The following HOPX variants were observed in gnomAD, a reference collection of about 807,000 sequenced individuals.
HOPX encodes homeodomain-only protein.
A neutral mutation model predicts 11.8 loss-of-function variants in HOPX; 5 were observed. The ratio of observed to expected loss-of-function variants is 0.43; its 90% CI spans 0.22 to 0.89. The LOEUF (loss-of-function observed/expected upper bound fraction) is 0.89, where lower values mean the gene tolerates loss of function less well. Among genes scored for constraint, HOPX ranks in the 40% least tolerant of loss-of-function variants. HOPX has a pLI of 0.28. For missense variants in HOPX, 119 were observed against 120.0 expected (o/e 0.99, Z 0.04); for synonymous variants, 49 against 49.7 (o/e 0.99, Z 0.06).
chr4:56,665,398 T>C (rs1298780765), intron 1 of HOPX: 2 of 152,256 alleles, frequency 1.3e-5, no homozygotes, highest in Non-Finnish European at 2.9e-5. Context: ...TATGTGCTCA[T>C]TGGATGGCTG....
intron 1 of HOPX, among the ~76,000 whole-genome samples, chr4:56,671,772 A>G (rs769361216): frequency 2.0e-5 from 3 of 152,126 alleles, no homozygotes; most frequent in Non-Finnish European, 4.4e-5. Flanking sequence ...TTTTCTGAGC[A>G]TCAGCCGTGA....
intron 1 of HOPX, among the ~76,000 whole-genome samples, chr4:56,671,046 A>G (rs144724137): frequency 6.6e-6 from 1 of 152,206 alleles, no homozygotes; most frequent in Admixed American, 6.5e-5. Flanking sequence ...AAATTGTCAT[A>G]TTGCTCTGTA....
chr4:56,675,667 A>G (rs1718975345), intron 1 of HOPX, among the ~76,000 whole-genome samples: 1 of 151,728 alleles, frequency 6.6e-6, no homozygotes, highest in South Asian at 2.1e-4. Context: ...TGTGTTCAAA[A>G]TCAACAGCAC....
At chr4:56,671,962 G>A (rs1718757820) in intron 1 of HOPX, among the ~76,000 whole-genome samples, 1 of 151,968 alleles carries the variant, frequency 6.6e-6, no homozygotes, top group Non-Finnish European at 1.5e-5. Context: ...GATTCCATGA[G>A]ATGGATTATG....
chr4:56,667,555 G>A (rs1718507433), intron 1 of HOPX, among the ~76,000 whole-genome samples: 1 of 152,172 alleles, frequency 6.6e-6, no homozygotes, highest in African/African-American at 2.4e-5. Context: ...AGAGGCCCAA[G>A]CATAACTCAG....
Position 56,670,005 on chromosome 4 carries a change from T to C in HOPX, c.-84+11250A>G, listed in dbSNP as rs114632432. On this transcript the variant is annotated intron_variant, in intron 1 of 3. Coordinates refer to ENST00000420433, the MANE Select transcript of HOPX (RefSeq NM_032495.6). ...AAGAGGAAAATAGCTTCAAATTTCC[T>C]GATCTTTCATTTTTATTGCAACTTG... Among the ~76,000 whole-genome samples, 280 of 152,282 alleles carry C rather than the reference T, an allele frequency of 1.8e-3. 1 individual carries two copies. Among genetic ancestry groups the C allele is most frequent in the African/African-American group, 6.4e-3 (264 of 41,570 alleles).
At chr4:56,672,880 T>C (rs992215229) in intron 1 of HOPX, 17 of 152,202 alleles carry the variant, frequency 1.1e-4, no homozygotes, top group African/African-American at 4.1e-4. Flanking sequence ...TGTGCTCTTT[T>C]AGTTCTAGAA....
intron 1 of HOPX, among the ~76,000 whole-genome samples, chr4:56,668,999 C>G (rs933699978): frequency 6.6e-6 from 1 of 152,188 alleles, no homozygotes; most frequent in African/African-American, 2.4e-5. Flanking sequence ...CATGAAACAA[C>G]CTTGCACTTT....
chr4:56,674,787 C>G lies in HOPX; in HGVS notation c.-84+6468G>C, dbSNP rs191404485. 2.2e-4 allele frequency among the ~76,000 whole-genome samples: 34 copies of G among 151,298 alleles called. 1 individual carries two copies. Among genetic ancestry groups the G allele is most frequent in the African/African-American group, 8.1e-4 (33 of 40,738 alleles). Reference sequence around the variant, plus strand: ...AGAGATGGGGTCTTGCTATGTTGCCCAGACTGGAGTACAGTGGCATCGTGA... The same window carrying G: ...AGAGATGGGGTCTTGCTATGTTGCCGAGACTGGAGTACAGTGGCATCGTGA... On this transcript the variant is annotated intron_variant, in intron 1 of 3. Coordinates refer to ENST00000420433, the MANE Select transcript of HOPX (RefSeq NM_032495.6).
chr4:56,677,574 A>G (rs1474658002), intron 1 of HOPX, among the ~76,000 whole-genome samples: 1 of 151,732 alleles, frequency 6.6e-6, no homozygotes, highest in Non-Finnish European at 1.5e-5. Context: ...ACAAGCCCTG[A>G]GAGAATAAGA....
rs918787973 is a variant in HOPX at position 56,677,296 on chromosome 4, A to G, written c.-84+3959T>C. On this transcript the variant is annotated intron_variant, in intron 1 of 3. Transcript: ENST00000420433. The stretch of plus-strand genomic sequence containing the variant: ...TACTGGATATGGTTTGAAAAATTAT[A>G]CTGAAAACCCACAATCTTGGTATAT... Among the ~76,000 whole-genome samples the G allele has an allele frequency of 5.9e-5, 9 of 151,852 alleles. No homozygotes were observed. The South Asian group carries it at 1.4e-3, about 24-fold the overall frequency.
At chr4:56,666,151 G>A (rs1718427880) in intron 1 of HOPX, among the ~76,000 whole-genome samples, 4 of 151,984 alleles carry the variant, frequency 2.6e-5, no homozygotes, top group Admixed American at 6.6e-5. Flanking sequence ...TAAAACCACC[G>A]GCACTACCAG....
chr4:56,660,938 A>T (rs1718081971), intron 1 of HOPX, among the ~76,000 whole-genome samples: 2 of 151,998 alleles, frequency 1.3e-5, no homozygotes, highest in South Asian at 4.2e-4. Context: ...TGTGTTAATC[A>T]TTCCTTTGCT....
chr4:56,649,430 CAGTT>C (rs1716939924), intron 3 of HOPX: 1 of 152,214 alleles, frequency 6.6e-6, no homozygotes. Context: ...TCATTGGTAG[CAGTT>C]AGTAAGAATT....
intron 1 of HOPX, among the ~76,000 whole-genome samples, chr4:56,676,248 A>G (rs1719013283): frequency 6.6e-6 from 1 of 151,596 alleles, no homozygotes; most frequent in South Asian, 2.1e-4. Flanking sequence ...CAGTGAGCCG[A>G]GATCATGACA....
chr4:56,661,654 C>A (rs1210376111), intron 1 of HOPX, among the ~76,000 whole-genome samples: 1 of 152,130 alleles, frequency 6.6e-6, no homozygotes, highest in African/African-American at 2.4e-5. Flanking sequence ...GTTGTGTGTT[C>A]TTTTTATCCA....
intron 3 of HOPX, 110 bp from the exon 4 acceptor site, chr4:56,648,907 G>A (rs1394462386): frequency 1.3e-6 from 1 of 788,684 alleles, no homozygotes. Context: ...AGAGAATCAA[G>A]GAATGTTCCC....
rs921725617 is a variant in HOPX, at chr4:56,678,756, AT to A, written c.-84+2498del. 199 of 148,550 alleles carry A rather than the reference AT, an allele frequency of 1.3e-3. 2 individuals are homozygous for A. The highest frequency in any genetic ancestry group is 4.6e-3 in the African/African-American group (186 of 40,416). 9.2% of individuals were successfully genotyped at this position (148,550 alleles called of 1,614,324 possible). A position where few individuals can be genotyped will look rare whatever the true frequency, so the allele number is the denominator to read the frequency against. On this transcript the variant is annotated intron_variant, in intron 1 of 3. Transcript: ENST00000420433. ...CCACCATGCCCTGCCCCAGTCACTG[AT>A]TTTTTTTTTCTTTTTTAAGTTCTCC...
intron 3 of HOPX, among the ~76,000 whole-genome samples, chr4:56,651,858 AAGAG>A (rs72305569): frequency 0.15 from 15,987 of 105,118 alleles, 1,057 homozygotes; most frequent in East Asian, 0.31. Flanking sequence ...GAGAGAGAGA[AAGAG>A]AGAGAGAGAG....
Sources: gnomAD v4.1 joint callset for allele counts (sites outside exome capture counted in the v4.1 genomes callset) on GRCh38, gnomAD v4.1.1 for gene constraint, MANE v1.5 for transcripts, NCBI Gene and HGNC (gene_info 2026-07-23, HGNC 2026-07-21) for gene names.